ZFAT: variants seen among roughly 807,000 people sequenced by gnomAD.
The protein encoded by ZFAT is zinc finger protein ZFAT.
A neutral mutation model predicts 117.7 loss-of-function variants in ZFAT; 64 were observed. The ratio of observed to expected loss-of-function variants is 0.54; its 90% CI spans 0.44 to 0.67. The LOEUF (loss-of-function observed/expected upper bound fraction) is 0.67. ZFAT is among the 30% of genes least tolerant of loss of function. The pLI is 0.00. For missense variants in ZFAT, 1,433 were observed against 1,584.5 expected, an observed-to-expected ratio of 0.90 and a Z score of 1.62; for synonymous variants, 679 against 615.0, an observed-to-expected ratio of 1.10 and a Z score of -1.54.
chr8:134,487,594 A>G (rs1158006498), intron 15 of ZFAT, among the ~76,000 whole-genome samples: 3 of 152,210 alleles, frequency 2.0e-5, no homozygotes, highest in African/African-American at 7.2e-5. Context: ...TTGGACAGGC[A>G]AGGCCCTCCC....
intron 1 of ZFAT, among the ~76,000 whole-genome samples, chr8:134,677,821 T>C (rs951241102): frequency 2.0e-5 from 3 of 152,112 alleles, no homozygotes; most frequent in Non-Finnish European, 4.4e-5. Context: ...ACATCATCTA[T>C]CACGTAAACA....
At chr8:134,490,234 G>A (rs1209275957) in intron 15 of ZFAT, among the ~76,000 whole-genome samples, 1 of 152,204 alleles carries the variant, frequency 6.6e-6, no homozygotes, top group Non-Finnish European at 1.5e-5. Context: ...GAGATCCAGG[G>A]GTTTGAGGTG....
chr8:134,704,200 A>G (rs1834087828), intron 1 of ZFAT, among the ~76,000 whole-genome samples: 1 of 152,196 alleles, frequency 6.6e-6, no homozygotes, highest in Non-Finnish European at 1.5e-5. Context: ...GGTCTTCCCA[A>G]GATGCTTCCA....
intron 11 of ZFAT, among the ~76,000 whole-genome samples, chr8:134,561,741 T>C (rs1317143612): frequency 6.6e-6 from 1 of 152,230 alleles, no homozygotes; most frequent in Admixed American, 6.5e-5. Context: ...GTGAGGATGT[T>C]GAGCTCTAAT....
intron 10 of ZFAT, 86 bp from the exon 11 acceptor site, chr8:134,565,507 C>A (rs769479593): frequency 7.9e-7 from 1 of 1,258,446 alleles, no homozygotes; most frequent in Non-Finnish European, 1.1e-6. Flanking sequence ...GCCAGGTACA[C>A]AAAGGTGTTC....
intron 3 of ZFAT, among the ~76,000 whole-genome samples, chr8:134,624,172 GTGCACA>G (rs952508386): frequency 4.7e-5 from 6 of 127,880 alleles, no homozygotes; most frequent in African/African-American, 1.5e-4. Context: ...GCAGGCACAT[GTGCACA>G]TGCACACACA....
chr8:134,560,804 CAAAGAGTTG>C (rs1270160698), intron 11 of ZFAT, among the ~76,000 whole-genome samples: 1 of 152,042 alleles, frequency 6.6e-6, no homozygotes, highest in Admixed American at 6.5e-5. Context: ...TGGAAGAAAG[CAAAGAGTTG>C]AATAGCTAGA....
At chr8:134,713,485 C>T (rs1814117637), upstream of ZFAT, among the ~76,000 whole-genome samples, 1 of 152,218 alleles carries the variant, frequency 6.6e-6, no homozygotes, top group Non-Finnish European at 1.5e-5. Context: ...GCGGCGTTTC[C>T]CGAAGCGTGG....
At chr8:134,825,333 A>G in the ZFAT span, among the ~76,000 whole-genome samples, 2 of 152,240 alleles carry the variant, frequency 1.3e-5, no homozygotes, top group Non-Finnish European at 2.9e-5. Flanking sequence ...ACTAATCCCT[A>G]TGATCTTTCT....
chr8:134,550,975 T>G (rs1217329928), intron 11 of ZFAT, among the ~76,000 whole-genome samples: 1 of 152,238 alleles, frequency 6.6e-6, no homozygotes, highest in African/African-American at 2.4e-5. Flanking sequence ...CTTCTTTCCC[T>G]CTGCCCCTTG....
At chr8:134,482,608 T>C (rs1817392959) in intron 15 of ZFAT, among the ~76,000 whole-genome samples, 1 of 152,368 alleles carries the variant, frequency 6.6e-6, no homozygotes, top group Non-Finnish European at 1.5e-5. Context: ...AAAGATAACC[T>C]TTCTCCATTT....
At chr8:134,788,889 T>C in the ZFAT span, among the ~76,000 whole-genome samples, 2 of 152,090 alleles carry the variant, frequency 1.3e-5, no homozygotes, top group African/African-American at 4.8e-5. Context: ...TTCAAACTGT[T>C]TTTATTTGGT....
chr8:134,521,092 A>G, intron 12 of ZFAT, 91 bp from the exon 13 acceptor site: 1 of 897,206 alleles, frequency 1.1e-6, no homozygotes, highest in Admixed American at 2.4e-5. Flanking sequence ...CTTCAAATCT[A>G]GTAAGTATTA....
the ZFAT span, among the ~76,000 whole-genome samples, chr8:134,756,674 C>A: frequency 5.3e-5 from 8 of 152,214 alleles, no homozygotes; most frequent in Middle Eastern, 3.2e-3. Flanking sequence ...GCCCCACCTA[C>A]AGTTCTGCTT....
upstream of ZFAT, among the ~76,000 whole-genome samples, chr8:134,715,923 C>T (rs1231107883): frequency 1.3e-5 from 2 of 152,070 alleles, no homozygotes; most frequent in African/African-American, 4.8e-5. Context: ...AGGATGCTTT[C>T]TTGAAAGAAG....
At chr8:134,591,754 A>G (rs967476547) in intron 7 of ZFAT, among the ~76,000 whole-genome samples, 1 of 152,146 alleles carries the variant, frequency 6.6e-6, no homozygotes, top group African/African-American at 2.4e-5. Flanking sequence ...GACCAGAGCA[A>G]TGCAACTGCC....
the ZFAT span, among the ~76,000 whole-genome samples, chr8:134,761,889 T>G: frequency 6.6e-6 from 1 of 152,094 alleles, no homozygotes; most frequent in South Asian, 2.1e-4. Context: ...CTAAACTTGA[T>G]TCAAGGTTCA....
chr8:134,754,176 G>A, the ZFAT span, among the ~76,000 whole-genome samples: 8 of 152,304 alleles, frequency 5.3e-5, no homozygotes, highest in South Asian at 8.3e-4. Context: ...ATCCATTATC[G>A]CCTACAGGCA....
intron 1 of ZFAT, among the ~76,000 whole-genome samples, chr8:134,705,682 C>T (rs1293873684): frequency 1.3e-5 from 2 of 151,500 alleles, no homozygotes; most frequent in Non-Finnish European, 2.9e-5. Context: ...GCATGAGCCA[C>T]CAAGCCTGGC....
Sources: allele counts gnomAD v4.1 joint callset (sites outside exome capture counted in the v4.1 genomes callset), GRCh38; gene constraint gnomAD v4.1.1; transcripts MANE v1.5; gene names NCBI Gene and HGNC (gene_info 2026-07-23, HGNC 2026-07-21).